Variants in ADGRF5 observed in about 807,000 individuals in gnomAD.
ADGRF5 encodes adhesion G protein-coupled receptor F5, also known as G-protein coupled receptor 116.
Under a neutral mutation model 132.3 loss-of-function variants are expected in ADGRF5, and 75 were observed. That is an observed-to-expected ratio of 0.57 (90% confidence interval 0.47 to 0.69). The LOEUF (loss-of-function observed/expected upper bound fraction) is 0.69, where lower values mean the gene tolerates loss of function less well. Among genes scored for constraint, ADGRF5 ranks in the 30% least tolerant of loss-of-function variants. ADGRF5 has a pLI of 0.00. For missense variants in ADGRF5, 1,516 were observed against 1,630.6 expected, an observed-to-expected ratio of 0.93 and a Z score of 1.21; for synonymous variants, 629 against 597.6, an observed-to-expected ratio of 1.05 and a Z score of -0.77.
At chr6:46,890,225 T>A (rs571947926) in intron 3 of ADGRF5, among the ~76,000 whole-genome samples, 23 of 152,106 alleles carry the variant, frequency 1.5e-4, no homozygotes, top group Middle Eastern at 3.4e-3. Context: ...CCCGAGGAGC[T>A]GGGACTACAA....
rs531451907 is a variant in ADGRF5 at position 46,932,982 on chromosome 6, C to T, written c.-25+21752G>A. Among the ~76,000 whole-genome samples, 7 of 152,320 alleles carry T rather than the reference C, an allele frequency of 4.6e-5. No individual in the cohort carries two copies. The East Asian group carries it at 1.3e-3, about 29-fold the overall frequency. ...GAAAAACAACAATGGCTCTGAAACT[C>T]AGCGCCAAGAAATGGCCAAAAATAA... is the stretch of plus-strand genomic sequence containing the variant. On this transcript the variant is annotated intron_variant, in intron 1 of 20. Transcript: ENST00000265417.
intron 1 of ADGRF5, among the ~76,000 whole-genome samples, chr6:46,946,926 G>A (rs970732372): frequency 4.6e-5 from 7 of 152,202 alleles, no homozygotes; most frequent in Admixed American, 3.3e-4. Context: ...TAATTGAAGA[G>A]TTCCAGGCTG....
intron 1 of ADGRF5, among the ~76,000 whole-genome samples, chr6:46,930,235 C>T (rs919510405): frequency 2.6e-5 from 4 of 152,120 alleles, no homozygotes; most frequent in African/African-American, 9.7e-5. Context: ...AAATAAGATG[C>T]CAGGTGACAT....
At chr6:46,894,506 A>G (rs1773976462) in intron 3 of ADGRF5, among the ~76,000 whole-genome samples, 2 of 152,196 alleles carry the variant, frequency 1.3e-5, no homozygotes, top group South Asian at 4.1e-4. Context: ...CTTACCTAGT[A>G]AGATGAAGGC....
At chr6:46,883,502 G>A (rs1463446898) in intron 6 of ADGRF5, 57 bp downstream of exon 6, 1 of 819,682 alleles carries the variant, frequency 1.2e-6, no homozygotes, top group Non-Finnish European at 2.1e-6. Flanking sequence ...GAATGCAATA[G>A]ACTCAGTTCA....
chr6:46,907,322 A>G (rs1195886041), intron 1 of ADGRF5, among the ~76,000 whole-genome samples: 1 of 152,128 alleles, frequency 6.6e-6, no homozygotes, highest in Admixed American at 6.5e-5. Context: ...GAATATTAGT[A>G]TCATTATATA....
At chr6:46,876,989 G>A (rs1183626252) in intron 10 of ADGRF5, among the ~76,000 whole-genome samples, 2 of 152,174 alleles carry the variant, frequency 1.3e-5, no homozygotes, top group East Asian at 1.9e-4. Flanking sequence ...GTATTTCATG[G>A]GTAAAGCCAC....
chr6:46,891,194 C>T (rs1464947911), intron 3 of ADGRF5, among the ~76,000 whole-genome samples: 4 of 152,122 alleles, frequency 2.6e-5, no homozygotes, highest in South Asian at 2.1e-4. Context: ...TATAAGAATG[C>T]GGAAACTCAG....
chr6:46,863,170 G>C, intron 14 of ADGRF5, 74 bp from the exon 15 acceptor site: 1 of 1,153,934 alleles, frequency 8.7e-7, no homozygotes, highest in Non-Finnish European at 1.3e-6. Context: ...GTCAGGCCAA[G>C]GTAGAATTTT....
chr6:46,934,998 C>CTTTTTT (rs56982002), intron 1 of ADGRF5, among the ~76,000 whole-genome samples: 19 of 86,680 alleles, frequency 2.2e-4, no homozygotes, highest in Admixed American at 4.5e-4. Flanking sequence ...GGTGATAGTT[C>CTTTTTT]TTTTTTTTTT....
At chr6:46,903,892 T>C (rs892689832) in intron 2 of ADGRF5, among the ~76,000 whole-genome samples, 4 of 152,176 alleles carry the variant, frequency 2.6e-5, no homozygotes, top group Admixed American at 2.0e-4. Flanking sequence ...ATGTAGAACA[T>C]TGAAGCCTCA....
At position 46,878,349 on chromosome 6, in the gene ADGRF5, T is replaced by C; in HGVS notation, c.1093A>G (p.Ile365Val). The C allele has an allele frequency of 1.2e-6, 2 of 1,613,140 alleles. No individual in the cohort carries two copies. The highest frequency in any genetic ancestry group is 1.7e-6 in the Non-Finnish European group (2 of 1,179,114). The change falls in exon 10 of 21, where the codon ATA becomes GTA. Residue 365 changes from isoleucine (I) to valine (V), a missense_variant. Physicochemically the swap from Ile to Val is conservative, Grantham distance 29. Transcript: ENST00000283296. ...DIFEYECKKK[I>V]DVMPIQILAN... ...AAAATTTGGATGGGCATAACATCTA[T>C]TTTCTTCTTGCACTCATATTCAAAA... is the stretch of plus-strand genomic sequence containing the variant.
chr6:46,881,701 T>G (rs1022025988), intron 7 of ADGRF5, 104 bp from the exon 8 acceptor site: 7 of 919,496 alleles, frequency 7.6e-6, no homozygotes, highest in Admixed American at 2.3e-5. Flanking sequence ...AACTGCCTGA[T>G]GCAGCATGCA....
rs150269417 is a variant in ADGRF5 at position 46,921,486 on chromosome 6, G to A, written c.-25+227C>T. 6.5e-3 allele frequency among the ~76,000 whole-genome samples: 991 copies of A among 151,974 alleles called. 10 individuals are homozygous for A. The highest frequency in any genetic ancestry group is 0.021 in the African/African-American group (874 of 41,468). ...AGGATCCCAGCTAGTTGCTTGATAC[G>A]CCATCTCCTTTAATATAGTCTCATT... On this transcript the variant is annotated intron_variant, in intron 1 of 20. Transcript: ENST00000283296.
At chr6:46,914,388 A>G (rs1423288053) in intron 1 of ADGRF5, among the ~76,000 whole-genome samples, 1 of 152,216 alleles carries the variant, frequency 6.6e-6, no homozygotes, top group Admixed American at 6.5e-5. Context: ...GCAAAAATAT[A>G]AGCTAAATAT....
chr6:46,929,843 T>C (rs774121085), intron 1 of ADGRF5, among the ~76,000 whole-genome samples: 1 of 152,080 alleles, frequency 6.6e-6, no homozygotes, highest in Non-Finnish European at 1.5e-5. Flanking sequence ...TTTTTTGAGA[T>C]AGTGTTTCAC....
At chr6:46,928,475 C>T in intron 1 of ADGRF5, among the ~76,000 whole-genome samples, 1 of 152,112 alleles carries the variant, frequency 6.6e-6, no homozygotes, top group East Asian at 1.9e-4. Flanking sequence ...TTGGGATATT[C>T]TGACCACCTC....
chr6:46,929,677 T>C (rs1335453414), intron 1 of ADGRF5, among the ~76,000 whole-genome samples: 2 of 152,094 alleles, frequency 1.3e-5, no homozygotes, highest in East Asian at 1.9e-4. Context: ...ATATGAAACT[T>C]GTGTTAAACT....
At chr6:46,872,554 T>C (rs1771200685) in intron 10 of ADGRF5, among the ~76,000 whole-genome samples, 1 of 152,206 alleles carries the variant, frequency 6.6e-6, no homozygotes, top group Non-Finnish European at 1.5e-5. Flanking sequence ...TTGAGCATTT[T>C]TCACAGCATG....
Sources: allele counts gnomAD v4.1 joint callset (sites outside exome capture counted in the v4.1 genomes callset), GRCh38; gene constraint gnomAD v4.1.1; transcripts MANE v1.5; gene names NCBI Gene and HGNC (gene_info 2026-07-23, HGNC 2026-07-21).